The following CTDSPL2 variants were observed in gnomAD, a reference collection of about 807,000 sequenced individuals.
CTDSPL2 encodes the protein CTD small phosphatase-like protein 2.
In CTDSPL2, 5 loss-of-function variants were observed where a neutral mutation model predicts 60.0. That is an observed-to-expected ratio of 0.08 (90% CI 0.04 to 0.18). CTDSPL2 has a LOEUF of 0.18. Ranked by LOEUF, CTDSPL2 falls within the 10% of genes least tolerant of loss-of-function variation. CTDSPL2 has a pLI of 1.00. For synonymous variants in CTDSPL2, 186 were observed against 189.3 expected (o/e 0.98, Z 0.14); for missense variants, 370 against 548.8 (o/e 0.67, Z 3.26).
At chr15:44,485,187 A>G (rs2081097506) in intron 3 of CTDSPL2, among the ~76,000 whole-genome samples, 1 of 152,362 alleles carries the variant, frequency 6.6e-6, no homozygotes, top group Middle Eastern at 3.4e-3. Flanking sequence ...ACATCCTACA[A>G]TACACAGGAC....
At chr15:44,517,545 A>G (rs541647874) in intron 10 of CTDSPL2, 3 of 152,326 alleles carry the variant, frequency 2.0e-5, no homozygotes, top group African/African-American at 7.2e-5. Context: ...TTCTAACACA[A>G]GTCTGTACTC....
chr15:44,524,229 C>T lies in CTDSPL2; in HGVS notation c.*55C>T. On this transcript the variant is annotated 3_prime_UTR_variant, in exon 13 of 13. Transcript: ENST00000260327. ...GGAGAGAATGCAGGACCCTTTTGGA[C>T]TAAGACAAAAACATTGCCATTACTG... The T allele has an allele frequency of 6.9e-7, 1 of 1,454,550 alleles. No individual in the cohort carries two copies. The highest frequency in any genetic ancestry group is 9.6e-7 in the Non-Finnish European group (1 of 1,038,322). The allele number at this position is 1,454,550 out of a possible 1,614,324, so 90.1% of individuals were successfully genotyped here. A position where few individuals can be genotyped will look rare whatever the true frequency, so the allele number is the denominator to read the frequency against.
At chr15:44,507,383 C>T (rs549437003) in intron 8 of CTDSPL2, among the ~76,000 whole-genome samples, 1 of 152,158 alleles carries the variant, frequency 6.6e-6, no homozygotes, top group South Asian at 2.1e-4. Flanking sequence ...TGCACCCAGC[C>T]GCAGGAGCTT....
chr15:44,480,186 C>T (rs1388570093), intron 2 of CTDSPL2, among the ~76,000 whole-genome samples: 1 of 152,104 alleles, frequency 6.6e-6, no homozygotes, highest in Non-Finnish European at 1.5e-5. Flanking sequence ...TAGCCATAGA[C>T]CCCCTATGCT....
rs907771143 is a variant in CTDSPL2 at position 44,484,145 on chromosome 15, T to C, written c.187-79T>C. 6.8e-5 allele frequency: 86 copies of C among 1,268,264 alleles called. No individual in the cohort carries two copies. The African/African-American group carries it at 1.3e-3, about 19-fold the overall frequency. 78.6% of individuals were successfully genotyped at this position (1,268,264 alleles called of 1,614,324 possible). A position where few individuals can be genotyped will look rare whatever the true frequency, so the allele number is the denominator to read the frequency against. On this transcript the variant is annotated intron_variant, in intron 2 of 12. Coordinates refer to ENST00000260327, the MANE Select transcript of CTDSPL2 (RefSeq NM_016396.3). ...AAGCAGAGGAAAGTATATTATACCG[T>C]ATTTTTTCATTTTAATATTGTAACC...
chr15:44,483,315 A>C (rs181894007), intron 2 of CTDSPL2, among the ~76,000 whole-genome samples: 4 of 151,880 alleles, frequency 2.6e-5, no homozygotes, highest in Non-Finnish European at 4.4e-5. Context: ...ACTCTAGAAA[A>C]AATTTACAAA....
chr15:44,492,710 G>C (rs765022407), intron 5 of CTDSPL2, among the ~76,000 whole-genome samples: 1 of 152,194 alleles, frequency 6.6e-6, no homozygotes, highest in Non-Finnish European at 1.5e-5. Context: ...TCAAGTGAAA[G>C]ATTCATATGT....
chr15:44,466,360 C>T (rs1275330360), intron 2 of CTDSPL2, among the ~76,000 whole-genome samples: 2 of 152,152 alleles, frequency 1.3e-5, no homozygotes. Flanking sequence ...TAATTTGCCA[C>T]TTACTATGGA....
chr15:44,522,930 G>A (rs1010160801), intron 12 of CTDSPL2, among the ~76,000 whole-genome samples: 10 of 152,090 alleles, frequency 6.6e-5, no homozygotes, highest in Admixed American at 2.6e-4. Flanking sequence ...ACCTGTCTTG[G>A]TTTGGCCTCT....
Position 44,526,534 on chromosome 15 carries a change from T to C in CTDSPL2, c.*2360T>C, listed in dbSNP as rs2081876657. The C allele has an allele frequency of 6.6e-6, 1 of 152,146 alleles. No individual in the cohort carries two copies. Among genetic ancestry groups the C allele is most frequent in the Non-Finnish European group, 1.5e-5 (1 of 67,988 alleles). The allele number at this position is 152,146 out of a possible 1,614,324, so 9.4% of individuals were successfully genotyped here. On this transcript the variant is annotated 3_prime_UTR_variant, in exon 13 of 13. Coordinates refer to ENST00000260327, the MANE Select transcript of CTDSPL2 (RefSeq NM_016396.3). ...CCGTAAAGAAATAAACTAAGAAAAT[T>C]TTTTATGGCTTGAGAAAATTCCTTG...
chr15:44,501,455 A>G lies in CTDSPL2; in HGVS notation c.969+1642A>G, dbSNP rs185347693. Among the ~76,000 whole-genome samples the G allele has an allele frequency of 9.7e-4, 148 of 152,126 alleles. 1 individual carries two copies. Among genetic ancestry groups the G allele is most frequent in the Non-Finnish European group, 1.3e-4 (9 of 67,926 alleles). ...GATCATAAAATTGAATTTTTTTCTTACTGCTTCTACCATTTCTGCTTTAAC... is the reference window on the plus strand; with the variant it reads ...GATCATAAAATTGAATTTTTTTCTTGCTGCTTCTACCATTTCTGCTTTAAC... On this transcript the variant is annotated intron_variant, in intron 8 of 12. Transcript: ENST00000260327.
chr15:44,522,983 A>T (rs1255533235), intron 12 of CTDSPL2, among the ~76,000 whole-genome samples: 1 of 151,928 alleles, frequency 6.6e-6, no homozygotes, highest in Non-Finnish European at 1.5e-5. Context: ...GTGCACACCT[A>T]TTTAATCCCA....
At chr15:44,454,039 G>C (rs914826727) in intron 1 of CTDSPL2, among the ~76,000 whole-genome samples, 84 of 152,242 alleles carry the variant, frequency 5.5e-4, no homozygotes, top group African/African-American at 1.9e-3. Flanking sequence ...TACAGTCCCA[G>C]CAACAGTGTA....
At chr15:44,463,141 G>GTTGA (rs770677666) in intron 2 of CTDSPL2, among the ~76,000 whole-genome samples, 4 of 151,896 alleles carry the variant, frequency 2.6e-5, no homozygotes, top group Admixed American at 6.6e-5. Flanking sequence ...GTAAGCTAAT[G>GTTGA]TTGATTGATT....
At position 44,524,212 on chromosome 15, in the gene CTDSPL2, TG is replaced by T; in HGVS notation, c.*39del. On this transcript the variant is annotated 3_prime_UTR_variant, in exon 13 of 13. Transcript: ENST00000260327. ...GTCAAATCACTGAAGGGGGAGAGAATGCAGGACCCTTTTGGACTAAGACAAA... is the reference window on the plus strand; with the variant it reads ...GTCAAATCACTGAAGGGGGAGAGAATCAGGACCCTTTTGGACTAAGACAAA... 1 of 1,542,660 alleles carries T rather than the reference TG, an allele frequency of 6.5e-7. No homozygotes were observed. Among genetic ancestry groups the T allele is most frequent in the Non-Finnish European group, 9.0e-7 (1 of 1,115,886 alleles).
At chr15:44,448,581 C>A in intron 1 of CTDSPL2, 1 of 292,768 alleles carries the variant, frequency 3.4e-6, no homozygotes, top group Non-Finnish European at 6.7e-6. Flanking sequence ...TGCCCATGTT[C>A]ATCCCAGAGC....
intron 8 of CTDSPL2, among the ~76,000 whole-genome samples, chr15:44,505,158 G>A (rs1349575929): frequency 2.0e-5 from 3 of 152,148 alleles, no homozygotes; most frequent in Admixed American, 2.0e-4. Context: ...GAGGCCAGGT[G>A]TGGTGGCTCA....
At chr15:44,466,776 CAA>C (rs36050498) in intron 2 of CTDSPL2, among the ~76,000 whole-genome samples, 3 of 143,360 alleles carry the variant, frequency 2.1e-5, no homozygotes, top group African/African-American at 5.2e-5. Flanking sequence ...ACTAAAAATA[CAA>C]AAAAAAAAAA....
At chr15:44,459,322 T>A (rs1386421985) in intron 2 of CTDSPL2, 122 bp downstream of exon 2, 3 of 577,092 alleles carry the variant, frequency 5.2e-6, no homozygotes, top group Non-Finnish European at 8.7e-6. Flanking sequence ...GGTCAGGAGA[T>A]CGAGACCATC....
Sources: allele counts gnomAD v4.1 joint callset (sites outside exome capture counted in the v4.1 genomes callset), GRCh38; gene constraint gnomAD v4.1.1; transcripts MANE v1.5; gene names NCBI Gene and HGNC (gene_info 2026-07-23, HGNC 2026-07-21).